Variants in SUGCT observed in about 807,000 individuals in gnomAD.
SUGCT encodes succinyl-CoA:glutarate CoA-transferase.
Under a neutral mutation model 55.0 loss-of-function variants are expected in SUGCT, and 41 were observed. The observed-to-expected ratio is 0.74, with a 90% confidence interval of 0.58 to 0.97. SUGCT has a LOEUF of 0.97. SUGCT is among the 50% of genes least tolerant of loss of function. The pLI is 0.00. For missense variants in SUGCT, 568 were observed against 547.8 expected (o/e 1.04, Z -0.37); for synonymous variants, 187 against 200.4 (o/e 0.93, Z 0.56).
chr7:40,469,643 G>C (rs1304890554), intron 11 of SUGCT, among the ~76,000 whole-genome samples: 1 of 152,072 alleles, frequency 6.6e-6, no homozygotes, highest in Non-Finnish European at 1.5e-5. Context: ...ACCCTGTTAG[G>C]AGAATTCTTT....
At chr7:40,350,473 C>A (rs1019452966) in intron 9 of SUGCT, among the ~76,000 whole-genome samples, 18 of 151,156 alleles carry the variant, frequency 1.2e-4, no homozygotes, top group African/African-American at 4.4e-4. Context: ...ACCGCCACAC[C>A]TGGCTAATTT....
At chr7:40,201,003 C>T (rs114949769) in intron 6 of SUGCT, among the ~76,000 whole-genome samples, 2,555 of 152,166 alleles carry the variant, frequency 0.017, 67 homozygotes, top group African/African-American at 0.059. Context: ...TGGATTCTTA[C>T]GGCATGAGTT....
intron 8 of SUGCT, among the ~76,000 whole-genome samples, chr7:40,276,307 A>C (rs1792474638): frequency 6.6e-6 from 1 of 152,294 alleles, no homozygotes; most frequent in East Asian, 1.9e-4. Flanking sequence ...TTTAAGCTGT[A>C]AGGAACCTGA....
At chr7:40,150,666 CA>C (rs1788513155) in intron 1 of SUGCT, among the ~76,000 whole-genome samples, 2 of 148,250 alleles carry the variant, frequency 1.3e-5, no homozygotes, top group South Asian at 4.1e-4. Flanking sequence ...AGCGAAACTA[CA>C]CACAACAAAA....
the SUGCT span, among the ~76,000 whole-genome samples, chr7:40,930,911 A>G: frequency 6.6e-6 from 1 of 152,060 alleles, no homozygotes. Flanking sequence ...AATGCACTTT[A>G]TTTCTTTCTC....
chr7:40,893,444 A>T, the SUGCT span, among the ~76,000 whole-genome samples: 1 of 152,320 alleles, frequency 6.6e-6, no homozygotes, highest in South Asian at 2.1e-4. Flanking sequence ...GTAGGCCATG[A>T]AACAAGTCTT....
intron 1 of SUGCT, among the ~76,000 whole-genome samples, chr7:40,175,768 C>T (rs2150691695): frequency 6.6e-6 from 1 of 152,164 alleles, no homozygotes; most frequent in South Asian, 2.1e-4. Context: ...ATTAAATATA[C>T]TGCAAGAGGA....
chr7:40,514,080 G>A (rs754010092), intron 12 of SUGCT, among the ~76,000 whole-genome samples: 9 of 151,954 alleles, frequency 5.9e-5, no homozygotes, highest in South Asian at 4.2e-4. Flanking sequence ...GTGAGTCACC[G>A]TGCCCGGCAT....
intron 10 of SUGCT, among the ~76,000 whole-genome samples, chr7:40,455,618 T>C (rs1005500800): frequency 6.6e-6 from 1 of 152,208 alleles, no homozygotes; most frequent in Non-Finnish European, 1.5e-5. Context: ...CTTGTGCAAA[T>C]ACTTATTTAA....
intron 12 of SUGCT, among the ~76,000 whole-genome samples, chr7:40,618,353 C>T (rs1392342121): frequency 6.6e-6 from 1 of 152,158 alleles, no homozygotes; most frequent in Non-Finnish European, 1.5e-5. Flanking sequence ...CCACATCTCA[C>T]TCAACAGGAA....
intron 13 of SUGCT, among the ~76,000 whole-genome samples, chr7:40,792,606 C>A (rs1056659916): frequency 6.6e-6 from 1 of 152,088 alleles, no homozygotes; most frequent in Admixed American, 6.6e-5. Flanking sequence ...CTGATGCAAA[C>A]AAAGTCTCTT....
chr7:40,467,204 GAAAAAAAA>G (rs762283927), intron 11 of SUGCT, among the ~76,000 whole-genome samples: 1 of 83,622 alleles, frequency 1.2e-5, no homozygotes, highest in Admixed American at 1.5e-4. Context: ...CTAAGAAAAA[GAAAAAAAA>G]AAAAAAAAAA....
the SUGCT span, among the ~76,000 whole-genome samples, chr7:40,970,604 A>T: frequency 6.6e-6 from 1 of 152,234 alleles, no homozygotes; most frequent in Non-Finnish European, 1.5e-5. Flanking sequence ...GTTCACGACC[A>T]AATAGGAAAG....
chr7:40,503,793 T>C (rs145435392), intron 12 of SUGCT, among the ~76,000 whole-genome samples: 146 of 152,256 alleles, frequency 9.6e-4, no homozygotes, highest in Non-Finnish European at 1.2e-3. Context: ...AGAAAAGAAA[T>C]CGATAAATTT....
intron 12 of SUGCT, among the ~76,000 whole-genome samples, chr7:40,622,026 AC>A (rs1002247416): frequency 1.3e-5 from 2 of 152,184 alleles, no homozygotes; most frequent in African/African-American, 4.8e-5. Flanking sequence ...TGGGTCTCAA[AC>A]CTGACCGTGT....
chr7:40,945,418 G>T, the SUGCT span, among the ~76,000 whole-genome samples: 1 of 152,094 alleles, frequency 6.6e-6, no homozygotes, highest in Admixed American at 6.5e-5. Flanking sequence ...GAACCTGGAG[G>T]GCACTCCTCC....
At chr7:40,987,146 G>T in the SUGCT span, among the ~76,000 whole-genome samples, 4 of 152,066 alleles carry the variant, frequency 2.6e-5, no homozygotes, top group African/African-American at 9.7e-5. Flanking sequence ...CCAGTAGGAC[G>T]GACAAGGACC....
At chr7:40,438,820 C>A (rs1375899801) in intron 9 of SUGCT, among the ~76,000 whole-genome samples, 3 of 151,432 alleles carry the variant, frequency 2.0e-5, no homozygotes, top group Admixed American at 1.3e-4. Flanking sequence ...TAGAGTGAGG[C>A]AACCAACAGA....
chr7:40,513,806 T>TG (rs1163871962), intron 12 of SUGCT, among the ~76,000 whole-genome samples: 2 of 146,846 alleles, frequency 1.4e-5, no homozygotes, highest in African/African-American at 5.1e-5. Context: ...TTTTTTTTTT[T>TG]GGAGACAGAG....
Sources: gnomAD v4.1 joint callset for allele counts (sites outside exome capture counted in the v4.1 genomes callset) on GRCh38, gnomAD v4.1.1 for gene constraint, MANE v1.5 for transcripts, NCBI Gene and HGNC (gene_info 2026-07-23, HGNC 2026-07-21) for gene names.